Variants in TENM3 observed in about 807,000 individuals in gnomAD.
TENM3 encodes the protein teneurin transmembrane protein 3.
Under a neutral mutation model 255.1 loss-of-function variants are expected in TENM3, and 63 were observed. The ratio of observed to expected loss-of-function variants is 0.25; its 90% CI spans 0.20 to 0.30. The LOEUF is 0.30. Ranked by LOEUF, TENM3 falls within the 10% of genes least tolerant of loss-of-function variation. TENM3 has a pLI of 1.00. For missense variants in TENM3, 2,929 were observed against 3,461.1 expected (o/e 0.85, Z 3.86); for synonymous variants, 1,306 against 1,322.3 (o/e 0.99, Z 0.27).
chr4:181,671,810 T>C, the TENM3 span, among the ~76,000 whole-genome samples: 2 of 152,092 alleles, frequency 1.3e-5, no homozygotes, highest in Non-Finnish European at 2.9e-5. Flanking sequence ...TAGCTCTGGT[T>C]CATACATTAA....
chr4:182,665,823 G>C (rs907226817), intron 6 of TENM3, among the ~76,000 whole-genome samples: 2 of 152,116 alleles, frequency 1.3e-5, no homozygotes, highest in Non-Finnish European at 2.9e-5. Flanking sequence ...ATGAACCCGG[G>C]AGGCGGAGGT....
the TENM3 span, among the ~76,000 whole-genome samples, chr4:181,609,494 C>T: frequency 2.2e-4 from 33 of 152,212 alleles, 1 homozygote; most frequent in South Asian, 6.0e-3. Flanking sequence ...TGACCTTTTT[C>T]TAGGAGGTTA....
chr4:182,221,853 A>G (rs1289117463), intron 1 of TENM3, among the ~76,000 whole-genome samples: 1 of 152,148 alleles, frequency 6.6e-6, no homozygotes, highest in Non-Finnish European at 1.5e-5. Flanking sequence ...CTCTCTTTGA[A>G]AATACCTTTT....
the TENM3 span, among the ~76,000 whole-genome samples, chr4:181,810,053 CTAA>C: frequency 6.6e-6 from 1 of 151,966 alleles, no homozygotes; most frequent in Non-Finnish European, 1.5e-5. Context: ...CAATAAAAAA[CTAA>C]TGCAAAGGTG....
chr4:182,273,481 C>A (rs1368081712), intron 1 of TENM3, among the ~76,000 whole-genome samples: 1 of 152,216 alleles, frequency 6.6e-6, no homozygotes, highest in African/African-American at 2.4e-5. Context: ...ATTCTTTACT[C>A]TTGTGAGTGA....
chr4:182,552,561 A>C (rs2151939715), intron 3 of TENM3, among the ~76,000 whole-genome samples: 1 of 152,348 alleles, frequency 6.6e-6, no homozygotes, highest in East Asian at 1.9e-4. Context: ...TACCAAGCTA[A>C]TTAAAGGATT....
Position 182,612,237 on chromosome 4 carries a change from G to T in TENM3, c.749+11076G>T, listed in dbSNP as rs551225041. ...CAATGAGCCAAGATTGCACCACTGC[G>T]CTCCAGCCTACGCAACAGAGCGAGA... On this transcript the variant is annotated intron_variant, in intron 4 of 27. Coordinates refer to ENST00000511685, the MANE Select transcript of TENM3 (RefSeq NM_001080477.4). Among the ~76,000 whole-genome samples the T allele has an allele frequency of 1.1e-4, 16 of 146,876 alleles. 1 individual carries two copies. Among genetic ancestry groups the T allele is most frequent in the East Asian group, 2.0e-4 (1 of 4,980 alleles).
At chr4:181,630,389 T>C in the TENM3 span, among the ~76,000 whole-genome samples, 1 of 152,192 alleles carries the variant, frequency 6.6e-6, no homozygotes, top group Non-Finnish European at 1.5e-5. Context: ...AGCTTTTGAA[T>C]GTGTTTGCTC....
chr4:182,733,272 T>C (rs1415042708), intron 16 of TENM3, among the ~76,000 whole-genome samples: 1 of 152,170 alleles, frequency 6.6e-6, no homozygotes, highest in African/African-American at 2.4e-5. Flanking sequence ...CAGGCACAGC[T>C]GGAGTGAAGG....
chr4:181,455,392 G>A, the TENM3 span, among the ~76,000 whole-genome samples: 2 of 152,056 alleles, frequency 1.3e-5, no homozygotes. Flanking sequence ...TGGAGCAGAG[G>A]TCTTACCAGC....
intron 3 of TENM3, among the ~76,000 whole-genome samples, chr4:182,430,782 C>G (rs1580513081): frequency 6.6e-6 from 1 of 151,762 alleles, no homozygotes; most frequent in Non-Finnish European, 1.5e-5. Context: ...GGAGCCGAGG[C>G]GGGCGGATCA....
At chr4:181,509,783 G>C in the TENM3 span, among the ~76,000 whole-genome samples, 1 of 152,340 alleles carries the variant, frequency 6.6e-6, no homozygotes, top group African/African-American at 2.4e-5. Context: ...AAGAGTAGAT[G>C]AAATCCAACA....
the TENM3 span, among the ~76,000 whole-genome samples, chr4:181,547,431 T>A: frequency 3.3e-5 from 5 of 152,154 alleles, no homozygotes; most frequent in South Asian, 6.2e-4. Flanking sequence ...ATTTAGAGGA[T>A]CAATCCAAGA....
At chr4:181,734,595 A>C in the TENM3 span, among the ~76,000 whole-genome samples, 1 of 152,192 alleles carries the variant, frequency 6.6e-6, no homozygotes, top group Non-Finnish European at 1.5e-5. Context: ...ATTTTCAAAG[A>C]GATTCATATT....
rs184048006 is a variant in TENM3, at chr4:182,446,883, C to T, written c.511+99954C>T. On this transcript the variant is annotated intron_variant, in intron 3 of 27. Transcript: ENST00000511685. ...GTTTATTTGCAGTTACTTCAGGTGA[C>T]CCCCCACCCCCCTCAGAAGACACAT... 1.2e-3 allele frequency among the ~76,000 whole-genome samples: 178 copies of T among 151,746 alleles called. 1 individual carries two copies. Among genetic ancestry groups the T allele is most frequent in the African/African-American group, 4.2e-3 (173 of 41,424 alleles).
intron 3 of TENM3, among the ~76,000 whole-genome samples, chr4:182,409,961 C>G (rs1769864882): frequency 6.6e-6 from 1 of 151,942 alleles, no homozygotes. Context: ...GTAGCTGAGA[C>G]TGGCTGCAGA....
At chr4:182,322,407 A>G (rs1025006910) in intron 1 of TENM3, among the ~76,000 whole-genome samples, 11 of 152,350 alleles carry the variant, frequency 7.2e-5, no homozygotes, top group Middle Eastern at 6.8e-3. Flanking sequence ...GGTTGAAGAC[A>G]TAGCAGGGAG....
At chr4:181,785,471 G>C in the TENM3 span, among the ~76,000 whole-genome samples, 1 of 152,072 alleles carries the variant, frequency 6.6e-6, no homozygotes, top group East Asian at 1.9e-4. Context: ...GTGTGGTTCA[G>C]ATTTGGCCTT....
At chr4:182,098,229 T>C in the TENM3 span, among the ~76,000 whole-genome samples, 1 of 152,084 alleles carries the variant, frequency 6.6e-6, no homozygotes, top group Non-Finnish European at 1.5e-5. Flanking sequence ...TCATACACTA[T>C]TGGTGGGAAT....
Sources: allele counts gnomAD v4.1 joint callset (sites outside exome capture counted in the v4.1 genomes callset), GRCh38; gene constraint gnomAD v4.1.1; transcripts MANE v1.5; gene names NCBI Gene and HGNC (gene_info 2026-07-23, HGNC 2026-07-21).